The following RMC1 variants were observed in gnomAD, a reference collection of about 807,000 sequenced individuals.
RMC1 encodes regulator of MON1-CCZ1 complex.
Under a neutral mutation model 95.5 loss-of-function variants are expected in RMC1, and 44 were observed. The ratio of observed to expected loss-of-function variants is 0.46; its 90% confidence interval spans 0.36 to 0.59. The LOEUF is 0.59. RMC1 is among the 20% of genes least tolerant of loss of function. The pLI, the probability that RMC1 is intolerant of heterozygous loss-of-function variation, is 0.00. For synonymous variants in RMC1, 320 were observed against 303.6 expected (o/e 1.05, Z -0.56); for missense variants, 705 against 819.6 (o/e 0.86, Z 1.71).
intron 14 of RMC1, chr18:23,528,724 T>C (rs1276386140): frequency 6.5e-6 from 1 of 154,790 alleles, no homozygotes; most frequent in Non-Finnish European, 1.4e-5. Context: ...AATGGCAGTT[T>C]CTGTGCCGTC....
intron 16 of RMC1, 33 bp downstream of exon 16, chr18:23,529,745 CAG>C: frequency 6.4e-7 from 1 of 1,567,514 alleles, no homozygotes; most frequent in Non-Finnish European, 8.8e-7. Context: ...CAAGTTAAAA[CAG>C]AAGGAATTTA....
At chr18:23,513,023 A>G (rs1377761398) in intron 5 of RMC1, among the ~76,000 whole-genome samples, 2 of 151,774 alleles carry the variant, frequency 1.3e-5, no homozygotes. Flanking sequence ...GCGTGATCTC[A>G]GCTCACTGCA....
chr18:23,514,287 G>A (rs1213435263), intron 5 of RMC1, among the ~76,000 whole-genome samples: 2 of 152,210 alleles, frequency 1.3e-5, no homozygotes, highest in Non-Finnish European at 2.9e-5. Context: ...AGGCCGAGGT[G>A]GGCGATCATC....
chr18:23,514,951 A>T (rs1351129198), intron 5 of RMC1, among the ~76,000 whole-genome samples: 1 of 152,132 alleles, frequency 6.6e-6, no homozygotes, highest in East Asian at 1.9e-4. Flanking sequence ...TTTAGGGTAC[A>T]TTGAAAATGT....
In RMC1 at chr18:23,526,694, A is replaced by G; in HGVS notation, c.1118A>G (p.Lys373Arg). The change falls in exon 13 of 20, where the codon AAA (lysine) becomes AGA (arginine). Residue 373 changes from lysine (K) to arginine (R), a missense_variant. Physicochemically the swap from Lys to Arg is conservative, Grantham distance 26. Transcript: ENST00000269221. The stretch of plus-strand genomic sequence containing the variant: ...CCCATAGTAAATCTCTTACCAGACA[A>G]AGGAAGACTCATGGACTTTCTCCTC... ...LEPIVNLLPDKGRLMDFLLQR... is the reference protein window; with the variant it reads ...LEPIVNLLPDRGRLMDFLLQR... The G allele has an allele frequency of 1.9e-6, 3 of 1,614,136 alleles. No homozygotes were observed. Among genetic ancestry groups the G allele is most frequent in the Non-Finnish European group, 2.5e-6 (3 of 1,180,008 alleles).
chr18:23,509,015 G>A (rs2057781502), intron 4 of RMC1, among the ~76,000 whole-genome samples, 178 bp from the exon 5 acceptor site: 1 of 152,056 alleles, frequency 6.6e-6, no homozygotes, highest in African/African-American at 2.4e-5. Flanking sequence ...TGAATGAAGA[G>A]TTATGGGCAA....
At position 23,507,073 on chromosome 18, in the gene RMC1, A is replaced by G; in HGVS notation, c.264+19A>G. The G allele has an allele frequency of 6.6e-7, 1 of 1,508,946 alleles. No homozygotes were observed. 93.5% of individuals were successfully genotyped at this position (1,508,946 alleles called of 1,614,324 possible). A position where few individuals can be genotyped will look rare whatever the true frequency, so the allele number is the denominator to read the frequency against. On this transcript the variant is annotated intron_variant, in intron 3 of 19. Coordinates refer to ENST00000269221, the MANE Select transcript of RMC1 (RefSeq NM_013326.5). ...GACTGTGGTAAGACTTATCTTTAAA[A>G]TACAGCATTAAAGGGCATTAGAAAT...
At position 23,524,505 on chromosome 18, in the gene RMC1, C is replaced by T. The variant is rs760432686; in HGVS notation, c.1060+23C>T. Reference sequence around the variant, plus strand: ...AAGGTAGGTCAGCGGGGACAGTTGTCGTGTTACAACATGGTGCTTGTTGAC... The same window carrying T: ...AAGGTAGGTCAGCGGGGACAGTTGTTGTGTTACAACATGGTGCTTGTTGAC... On this transcript the variant is annotated intron_variant, in intron 12 of 19. Transcript: ENST00000269221. 8.1e-6 allele frequency: 13 copies of T among 1,611,494 alleles called. No homozygotes were observed. The East Asian group carries it at 8.9e-5, about 11-fold the overall frequency.
chr18:23,530,660 A>G (rs1440302339), intron 19 of RMC1, 48 bp downstream of exon 19: 1 of 1,561,094 alleles, frequency 6.4e-7, no homozygotes, highest in East Asian at 2.3e-5. Flanking sequence ...CTCAAAGAGT[A>G]GCAGAGGGCA....
chr18:23,530,331 A>C, intron 18 of RMC1, 34 bp downstream of exon 18: 1 of 1,614,084 alleles, frequency 6.2e-7, no homozygotes, highest in South Asian at 1.1e-5. Flanking sequence ...AGACTATGGA[A>C]ACTAACTCTG....
intron 12 of RMC1, among the ~76,000 whole-genome samples, chr18:23,526,314 G>GGCTA (rs1291170509): frequency 6.6e-6 from 1 of 152,194 alleles, no homozygotes; most frequent in Non-Finnish European, 1.5e-5. Context: ...TTAAAAGAGG[G>GGCTA]GCTAGGTCTA....
chr18:23,510,029 A>AG (rs1399913526), intron 5 of RMC1, among the ~76,000 whole-genome samples: 1 of 150,772 alleles, frequency 6.6e-6, no homozygotes, highest in Non-Finnish European at 1.5e-5. Flanking sequence ...TAAAAAAAAA[A>AG]AAAAGAAAAG....
At chr18:23,529,598 C>T (rs369142299) in intron 15 of RMC1, 37 bp from the exon 16 acceptor site, 36 of 1,554,032 alleles carry the variant, frequency 2.3e-5, no homozygotes, top group South Asian at 6.7e-5. Flanking sequence ...TTTTGCACCT[C>T]GTTGGTATTT....
At chr18:23,527,693 T>G in intron 13 of RMC1, 102 bp from the exon 14 acceptor site, 1 of 879,486 alleles carries the variant, frequency 1.1e-6, no homozygotes, top group Non-Finnish European at 1.8e-6. Context: ...TACTTTTGCA[T>G]TGGTAACCTT....
chr18:23,503,978 C>G (rs574368620), intron 1 of RMC1, among the ~76,000 whole-genome samples: 1 of 152,184 alleles, frequency 6.6e-6, no homozygotes, highest in Admixed American at 6.5e-5. Context: ...CAATTGTTGG[C>G]GCGCCCGTCT....
chr18:23,518,931 G>A lies in RMC1; in HGVS notation c.695G>A (p.Arg232Gln), dbSNP rs376189098. ...LYVLFLRHHS[R>Q]TSNSTGAEVV... is the part of the protein sequence containing the mutation. ...GTTCTCTTCTTGAGGCATCATTCTC[G>A]GACCTCCAACAGCACAGGAGCGGAG... is the stretch of plus-strand genomic sequence containing the variant. The change falls in exon 8 of 20, where the codon CGG becomes CAG. Residue 232 changes from arginine (R) to glutamine (Q), a missense_variant. Arg to Gln is a conservative substitution (Grantham distance 43). Transcript: ENST00000269221. 9.3e-6 allele frequency: 15 copies of A among 1,613,940 alleles called. No individual in the cohort carries two copies. Among genetic ancestry groups the A allele is most frequent in the East Asian group, 2.2e-5 (1 of 44,894 alleles).
chr18:23,510,597 A>C (rs1043449548), intron 5 of RMC1, among the ~76,000 whole-genome samples: 3 of 152,132 alleles, frequency 2.0e-5, no homozygotes, highest in Non-Finnish European at 4.4e-5. Flanking sequence ...TAGTGAGCTG[A>C]GATGGTGCCA....
intron 4 of RMC1, among the ~76,000 whole-genome samples, chr18:23,508,974 G>C (rs2145141319): frequency 6.6e-6 from 1 of 152,304 alleles, no homozygotes; most frequent in East Asian, 1.9e-4. Context: ...CTCCTGTTCT[G>C]TTTAGTAGAA....
At chr18:23,504,240 C>A in intron 1 of RMC1, 131 bp from the exon 2 acceptor site, 1 of 738,968 alleles carries the variant, frequency 1.4e-6, no homozygotes. Context: ...ACATCTGTAC[C>A]TTGATATGTG....
Sources: allele counts gnomAD v4.1 joint callset (sites outside exome capture counted in the v4.1 genomes callset), GRCh38; gene constraint gnomAD v4.1.1; transcripts MANE v1.5; gene names NCBI Gene and HGNC (gene_info 2026-07-23, HGNC 2026-07-21).